Variants in DMXL1 observed in about 807,000 individuals in gnomAD.
The protein encoded by DMXL1 is Dmx like 1.
Under a neutral mutation model 319.2 loss-of-function variants are expected in DMXL1, and 99 were observed. The observed-to-expected ratio is 0.31, with a 90% CI of 0.26 to 0.37. The LOEUF (loss-of-function observed/expected upper bound fraction) is 0.37, where lower values mean the gene tolerates loss of function less well. Among genes scored for constraint, DMXL1 ranks in the 10% least tolerant of loss-of-function variants. The probability of loss-of-function intolerance (pLI) is 1.00; values close to 1 mark genes in which losing one functional copy is unlikely to be tolerated. For synonymous variants in DMXL1, 1,385 were observed against 1,235.2 expected, an observed-to-expected ratio of 1.12 and a Z score of -2.54; for missense variants, 3,745 against 3,595.6, an observed-to-expected ratio of 1.04 and a Z score of -1.06.
At chr5:119,180,553 G>C (rs1311024267) in intron 28 of DMXL1, among the ~76,000 whole-genome samples, 2 of 151,708 alleles carry the variant, frequency 1.3e-5, no homozygotes, top group Non-Finnish European at 2.9e-5. Flanking sequence ...GATTTCATAT[G>C]CAAATTTACC....
intron 29 of DMXL1, among the ~76,000 whole-genome samples, chr5:119,192,101 C>T (rs997029390): frequency 1.3e-5 from 2 of 152,148 alleles, no homozygotes; most frequent in African/African-American, 4.8e-5. Flanking sequence ...TCCTGCATCT[C>T]CCCTTCCATC....
chr5:119,226,208 A>C (rs1040166211), intron 38 of DMXL1, among the ~76,000 whole-genome samples: 1 of 152,318 alleles, frequency 6.6e-6, no homozygotes, highest in South Asian at 2.1e-4. Flanking sequence ...AGAACTGCCA[A>C]AACTAGCAGA....
chr5:119,178,987 A>G (rs1452965530), intron 28 of DMXL1, among the ~76,000 whole-genome samples: 4 of 152,168 alleles, frequency 2.6e-5, no homozygotes, highest in African/African-American at 7.2e-5. Context: ...AAATCAGACT[A>G]TGGCTTGAAA....
chr5:119,157,077 C>T (rs1217569136), intron 19 of DMXL1, among the ~76,000 whole-genome samples: 1 of 151,886 alleles, frequency 6.6e-6, no homozygotes, highest in African/African-American at 2.4e-5. Flanking sequence ...GAGTCAAACT[C>T]CTGGCCTCAA....
chr5:119,138,125 C>T (rs1197851703), intron 13 of DMXL1, among the ~76,000 whole-genome samples: 1 of 151,854 alleles, frequency 6.6e-6, no homozygotes, highest in Non-Finnish European at 1.5e-5. Context: ...TACAGTAGTC[C>T]AGGAGAGGGA....
At chr5:119,235,021 T>TA (rs556357391) in intron 39 of DMXL1, among the ~76,000 whole-genome samples, 1 of 152,158 alleles carries the variant, frequency 6.6e-6, no homozygotes, top group Non-Finnish European at 1.5e-5. Flanking sequence ...GCAGTCAACT[T>TA]ACTATTCATT....
chr5:119,199,637 G>T (rs181998731), intron 32 of DMXL1, among the ~76,000 whole-genome samples: 82 of 152,230 alleles, frequency 5.4e-4, no homozygotes, highest in African/African-American at 1.9e-3. Context: ...TTGAGGAATC[G>T]CCATACTGCT....
At chr5:119,122,989 G>A (rs956493427) in intron 9 of DMXL1, among the ~76,000 whole-genome samples, 12 of 152,108 alleles carry the variant, frequency 7.9e-5, no homozygotes, top group Non-Finnish European at 1.2e-4. Flanking sequence ...CGGAGATCAC[G>A]CCACTGCACT....
At position 119,220,796 on chromosome 5, in the gene DMXL1, A is replaced by G. The variant is rs1581403626; in HGVS notation, c.8136-144A>G. ...TGAAGGGAACAGAAATTGTTGAGGT[A>G]TGAGGTCATTGTGTGTGAGTTACAA... is the stretch of plus-strand genomic sequence containing the variant. On this transcript the variant is annotated intron_variant, in intron 36 of 43. Coordinates refer to ENST00000539542, the MANE Select transcript of DMXL1 (RefSeq NM_001290321.3). 9 of 1,139,800 alleles carry G rather than the reference A, an allele frequency of 7.9e-6. No homozygotes were observed. The East Asian group carries it at 1.5e-4, about 19-fold the overall frequency. 70.6% of individuals were successfully genotyped at this position (1,139,800 alleles called of 1,614,324 possible).
intron 42 of DMXL1, among the ~76,000 whole-genome samples, chr5:119,244,056 C>A (rs1789282953): frequency 6.6e-6 from 1 of 152,154 alleles, no homozygotes; most frequent in South Asian, 2.1e-4. Context: ...TCTGAGTACT[C>A]CACCGAGGCT....
chr5:119,102,737 G>A (rs1561583545), intron 3 of DMXL1, among the ~76,000 whole-genome samples: 1 of 152,146 alleles, frequency 6.6e-6, no homozygotes, highest in Non-Finnish European at 1.5e-5. Context: ...TGAGGTTGTG[G>A]TGAGCAATGA....
intron 32 of DMXL1, among the ~76,000 whole-genome samples, chr5:119,202,447 A>C (rs948614562): frequency 2.6e-5 from 4 of 152,166 alleles, no homozygotes; most frequent in African/African-American, 9.7e-5. Flanking sequence ...GACAGTCCCT[A>C]ATTCAAATCT....
chr5:119,167,943 G>A (rs1257399946), intron 23 of DMXL1, 79 bp downstream of exon 23: 4 of 1,386,832 alleles, frequency 2.9e-6, no homozygotes, highest in Admixed American at 5.2e-5. Context: ...CTATTAGGTG[G>A]TAAGGGTAAT....
intron 1 of DMXL1, among the ~76,000 whole-genome samples, chr5:119,073,614 G>A (rs1750145993): frequency 6.6e-6 from 1 of 152,024 alleles, no homozygotes; most frequent in Admixed American, 6.6e-5. Flanking sequence ...CCATTGAGTA[G>A]GATTTAATCT....
At position 119,071,552 on chromosome 5, in the gene DMXL1, C is replaced by T; in HGVS notation, c.-18C>T. On this transcript the variant is annotated 5_prime_UTR_variant, in exon 1 of 44. An upstream open reading frame in the 5' UTR gains an earlier in-frame stop. Coordinates refer to ENST00000539542, the MANE Select transcript of DMXL1 (RefSeq NM_001290321.3). ...CATGAGCTGGATGCGGTGTCCGTTG[C>T]AGGACTAGGGCGCCGACATGAACCT... 2 of 1,595,484 alleles carry T rather than the reference C, an allele frequency of 1.3e-6. No homozygotes were observed. Among genetic ancestry groups the T allele is most frequent in the Non-Finnish European group, 1.7e-6 (2 of 1,171,016 alleles).
intron 34 of DMXL1, among the ~76,000 whole-genome samples, chr5:119,210,510 A>T (rs1002406105): frequency 2.0e-5 from 3 of 152,134 alleles, no homozygotes; most frequent in African/African-American, 7.2e-5. Context: ...CTGTATGTCA[A>T]TTGTTACAGC....
At position 119,220,507 on chromosome 5, in the gene DMXL1, T is replaced by C; in HGVS notation, c.8049T>C (p.His2683=). 8 of 1,613,912 alleles carry C rather than the reference T, an allele frequency of 5.0e-6. No individual in the cohort carries two copies. Among genetic ancestry groups the C allele is most frequent in the African/African-American group, 1.3e-5 (1 of 75,062 alleles). ...NRNCIAIASS[H]DVQELDVSGI... is the part of the protein sequence containing the mutation. Reference sequence around the variant, plus strand: ...ACTGCATAGCAATCGCTTCCAGTCATGATGTTCAAGAACTGGATGTTTCTG... The same window carrying C: ...ACTGCATAGCAATCGCTTCCAGTCACGATGTTCAAGAACTGGATGTTTCTG... Residue 2683 remains histidine (H), a synonymous_variant, in exon 36 of 44, where the codon CAT becomes CAC. Coordinates refer to ENST00000539542, the MANE Select transcript of DMXL1 (RefSeq NM_001290321.3).
At chr5:119,185,475 A>G (rs1296563271) in intron 28 of DMXL1, among the ~76,000 whole-genome samples, 2 of 152,062 alleles carry the variant, frequency 1.3e-5, no homozygotes, top group African/African-American at 2.4e-5. Flanking sequence ...TAAAAGCTGG[A>G]TAGTATCATC....
At chr5:119,234,240 T>G (rs1441774502) in intron 39 of DMXL1, among the ~76,000 whole-genome samples, 11 of 152,166 alleles carry the variant, frequency 7.2e-5, no homozygotes, top group South Asian at 2.1e-4. Flanking sequence ...GAAGCAGGGC[T>G]AGTTCAGAGG....
Sources: allele counts gnomAD v4.1 joint callset (sites outside exome capture counted in the v4.1 genomes callset), GRCh38; gene constraint gnomAD v4.1.1; transcripts MANE v1.5; gene names NCBI Gene and HGNC (gene_info 2026-07-23, HGNC 2026-07-21).